The following ADORA2B variants were observed in gnomAD, a reference collection of about 807,000 sequenced individuals.
ADORA2B encodes the protein adenosine A2b receptor, also known as adenosine receptor A2b.
A neutral mutation model predicts 20.8 loss-of-function variants in ADORA2B; 18 were observed. That is an observed-to-expected ratio of 0.87 (90% confidence interval 0.60 to 1.29). ADORA2B has a LOEUF of 1.29. Among genes scored for constraint, ADORA2B ranks in the 50% most tolerant of loss-of-function variants. The probability of loss-of-function intolerance (pLI) is 0.00; values close to 1 mark genes in which losing one functional copy is unlikely to be tolerated. For synonymous variants in ADORA2B, 179 were observed against 178.3 expected (o/e 1.00, Z -0.03); for missense variants, 441 against 422.7 (o/e 1.04, Z -0.38).
At chr17:15,958,543 C>T (rs1050492641) in intron 1 of ADORA2B, among the ~76,000 whole-genome samples, 8 of 152,176 alleles carry the variant, frequency 5.3e-5, no homozygotes, top group Non-Finnish European at 1.2e-4. Flanking sequence ...AGATCTCTCC[C>T]TTGCCCCTAC....
chr17:15,931,501 G>A, the ADORA2B span, among the ~76,000 whole-genome samples: 4 of 152,198 alleles, frequency 2.6e-5, no homozygotes, highest in Admixed American at 2.0e-4. Context: ...CATGGTGTGG[G>A]CATCACCAGA....
the ADORA2B span, among the ~76,000 whole-genome samples, chr17:15,866,724 G>GCTGCCGCTGCCTCTGCCA: frequency 4.1e-5 from 6 of 145,350 alleles, no homozygotes; most frequent in South Asian, 1.3e-3. Context: ...TGCCTCTGCC[G>GCTGCCGCTGCCTCTGCCA]CTGCCGCTGC....
At chr17:15,861,972 C>A in the ADORA2B span, among the ~76,000 whole-genome samples, 1 of 152,128 alleles carries the variant, frequency 6.6e-6, no homozygotes, top group African/African-American at 2.4e-5. Flanking sequence ...AATGGCCCAG[C>A]CTCTCCCTCC....
chr17:15,873,827 T>C, the ADORA2B span, among the ~76,000 whole-genome samples: 1 of 152,030 alleles, frequency 6.6e-6, no homozygotes, highest in Non-Finnish European at 1.5e-5. Flanking sequence ...CTTTGGAAAA[T>C]AGTATGGCTA....
At chr17:15,864,026 C>G in the ADORA2B span, 3 of 207,582 alleles carry the variant, frequency 1.4e-5, no homozygotes, top group East Asian at 3.3e-4. Context: ...TTAGCATCTT[C>G]TCCTTAACGT....
At chr17:15,922,390 A>G in the ADORA2B span, among the ~76,000 whole-genome samples, 3 of 152,190 alleles carry the variant, frequency 2.0e-5, no homozygotes, top group African/African-American at 7.2e-5. Context: ...ATTGCTATCA[A>G]TACATAGAAA....
At chr17:15,932,804 A>G in the ADORA2B span, among the ~76,000 whole-genome samples, 1 of 152,164 alleles carries the variant, frequency 6.6e-6, no homozygotes, top group East Asian at 1.9e-4. Flanking sequence ...TCATCAATCT[A>G]TATGTCTGCC....
the ADORA2B span, among the ~76,000 whole-genome samples, chr17:15,855,466 G>A: frequency 2.0e-5 from 3 of 151,890 alleles, no homozygotes; most frequent in African/African-American, 4.8e-5. Context: ...GAAGCAAAAC[G>A]GTATGCAAAG....
intron 1 of ADORA2B, among the ~76,000 whole-genome samples, chr17:15,958,802 C>G (rs1970002108): frequency 6.6e-6 from 1 of 152,182 alleles, no homozygotes. Context: ...GGTTCTTTTG[C>G]AGCTCTCTGC....
the ADORA2B span, among the ~76,000 whole-genome samples, chr17:15,897,917 T>C: frequency 6.6e-6 from 1 of 152,220 alleles, no homozygotes; most frequent in South Asian, 2.1e-4. Flanking sequence ...TAGAAAAATA[T>C]ATATTTCTTC....
the ADORA2B span, among the ~76,000 whole-genome samples, chr17:15,882,295 ACT>A: frequency 6.6e-6 from 1 of 152,114 alleles, no homozygotes; most frequent in Non-Finnish European, 1.5e-5. Context: ...AAGACCGGAA[ACT>A]CAGCCACCCT....
At chr17:15,946,338 T>C (rs1969805840) in intron 1 of ADORA2B, among the ~76,000 whole-genome samples, 1 of 152,218 alleles carries the variant, frequency 6.6e-6, no homozygotes, top group South Asian at 2.1e-4. Flanking sequence ...CAGAAAATGG[T>C]GGCGAACTTA....
At chr17:15,892,631 CTTTTTTCT>C in the ADORA2B span, among the ~76,000 whole-genome samples, 2 of 150,606 alleles carry the variant, frequency 1.3e-5, no homozygotes, top group Non-Finnish European at 2.9e-5. Flanking sequence ...AGAAGCTTTG[CTTTTTTCT>C]TTTTTTCTTT....
intron 1 of ADORA2B, among the ~76,000 whole-genome samples, chr17:15,966,871 G>A (rs1254147686): frequency 1.3e-5 from 2 of 152,200 alleles, no homozygotes; most frequent in African/African-American, 2.4e-5. Flanking sequence ...CATTTGGGGC[G>A]GTTGTCCTGC....
At chr17:15,957,871 C>T (rs1969987807) in intron 1 of ADORA2B, among the ~76,000 whole-genome samples, 1 of 152,196 alleles carries the variant, frequency 6.6e-6, no homozygotes, top group Non-Finnish European at 1.5e-5. Flanking sequence ...AAGCAGCTTT[C>T]TGTCTATGAC....
At chr17:15,915,005 A>T in the ADORA2B span, among the ~76,000 whole-genome samples, 1 of 152,212 alleles carries the variant, frequency 6.6e-6, no homozygotes, top group African/African-American at 2.4e-5. Context: ...AATTATCACA[A>T]ACTCAGTGGC....
At chr17:15,947,254 A>G (rs1009165885) in intron 1 of ADORA2B, among the ~76,000 whole-genome samples, 5 of 152,154 alleles carry the variant, frequency 3.3e-5, no homozygotes, top group South Asian at 2.1e-4. Context: ...GATGTTTTGC[A>G]TCCAGCAGAG....
At chr17:15,950,882 T>C (rs1969892557) in intron 1 of ADORA2B, among the ~76,000 whole-genome samples, 2 of 152,256 alleles carry the variant, frequency 1.3e-5, no homozygotes, top group South Asian at 4.1e-4. Flanking sequence ...AGCCACTGCA[T>C]TGGTTTACCG....
At chr17:15,885,730 A>C in the ADORA2B span, among the ~76,000 whole-genome samples, 2 of 152,210 alleles carry the variant, frequency 1.3e-5, no homozygotes, top group African/African-American at 4.8e-5. Flanking sequence ...AAAAAACAAA[A>C]AAAAACCTCT....
Sources: gnomAD v4.1 joint callset for allele counts (sites outside exome capture counted in the v4.1 genomes callset) on GRCh38, gnomAD v4.1.1 for gene constraint, MANE v1.5 for transcripts, NCBI Gene and HGNC (gene_info 2026-07-23, HGNC 2026-07-21) for gene names.